Variants in ERC2 observed in about 807,000 individuals in gnomAD.
ERC2 encodes ERC protein 2.
In ERC2, 42 loss-of-function variants were observed where a neutral mutation model predicts 114.8. The observed-to-expected ratio is 0.37, with a 90% CI of 0.29 to 0.47. The LOEUF (loss-of-function observed/expected upper bound fraction) is 0.47. Ranked by LOEUF, ERC2 falls within the 20% of genes least tolerant of loss-of-function variation. The pLI, the probability that ERC2 is intolerant of heterozygous loss-of-function variation, is 0.99. For synonymous variants in ERC2, 454 were observed against 425.5 expected (o/e 1.07, Z -0.82); for missense variants, 939 against 1,150.7 (o/e 0.82, Z 2.66).
chr3:55,855,468 C>G (rs2061748764), intron 14 of ERC2, among the ~76,000 whole-genome samples: 1 of 152,226 alleles, frequency 6.6e-6, no homozygotes, highest in Non-Finnish European at 1.5e-5. Context: ...ACCCCAAATC[C>G]AGGCCTTTGG....
intron 6 of ERC2, among the ~76,000 whole-genome samples, chr3:56,110,962 T>C (rs985107522): frequency 7.9e-5 from 12 of 152,130 alleles, no homozygotes; most frequent in African/African-American, 2.9e-4. Flanking sequence ...CTAGTTCTTT[T>C]GATTGTTGGC....
chr3:56,115,464 A>G (rs13091322), intron 6 of ERC2, among the ~76,000 whole-genome samples: 35,695 of 152,012 alleles, frequency 0.23, 4,833 homozygotes, highest in Admixed American at 0.31. Context: ...ACTCAGGTGT[A>G]GTTGAAAAGG....
At chr3:55,727,099 C>T (rs1317139907) in intron 15 of ERC2, among the ~76,000 whole-genome samples, 1 of 152,122 alleles carries the variant, frequency 6.6e-6, no homozygotes, top group African/African-American at 2.4e-5. Flanking sequence ...TCAAAAACCC[C>T]TTAGTAGCAG....
At chr3:56,239,497 C>G (rs987113307) in intron 3 of ERC2, among the ~76,000 whole-genome samples, 1 of 152,164 alleles carries the variant, frequency 6.6e-6, no homozygotes, top group South Asian at 2.1e-4. Flanking sequence ...CAGAGTGAGT[C>G]TCTGTCTGAA....
intron 2 of ERC2, among the ~76,000 whole-genome samples, chr3:56,431,657 T>C (rs2061794214): frequency 6.6e-6 from 1 of 152,186 alleles, no homozygotes; most frequent in South Asian, 2.1e-4. Flanking sequence ...CTAATATACT[T>C]CCAAAAAGAG....
intron 2 of ERC2, among the ~76,000 whole-genome samples, chr3:56,326,407 A>G (rs1164070767): frequency 2.6e-5 from 4 of 152,184 alleles, no homozygotes; most frequent in African/African-American, 7.2e-5. Flanking sequence ...TTCTCAAGAT[A>G]GTTTGAACAG....
Position 55,885,782 on chromosome 3 carries a change from G to C in ERC2, c.2564+2607C>G, listed in dbSNP as rs528148359. 3.0e-3 allele frequency among the ~76,000 whole-genome samples: 462 copies of C among 152,218 alleles called. 3 individuals are homozygous for C. Among genetic ancestry groups the C allele is most frequent in the African/African-American group, 0.011 (439 of 41,540 alleles). On this transcript the variant is annotated intron_variant, in intron 14 of 17. Coordinates refer to ENST00000288221, the MANE Select transcript of ERC2 (RefSeq NM_015576.3). ...CATTTGCATACATATATCATTTTCT[G>C]TGTGCCAAACTCTCTGCTGAGAACC...
intron 7 of ERC2, among the ~76,000 whole-genome samples, chr3:56,023,454 CCTAT>C (rs942646634): frequency 6.6e-6 from 1 of 152,080 alleles, no homozygotes; most frequent in Non-Finnish European, 1.5e-5. Context: ...CCTATCTTTG[CCTAT>C]CTATTTCCTT....
intron 16 of ERC2, among the ~76,000 whole-genome samples, chr3:55,685,887 C>T (rs1248447698): frequency 6.6e-6 from 1 of 152,098 alleles, no homozygotes; most frequent in Non-Finnish European, 1.5e-5. Flanking sequence ...TAAAACCCAA[C>T]ATATATACAT....
At chr3:55,872,743 T>A (rs2149286149) in intron 14 of ERC2, among the ~76,000 whole-genome samples, 1 of 152,308 alleles carries the variant, frequency 6.6e-6, no homozygotes, top group African/African-American at 2.4e-5. Flanking sequence ...GCTTTCTGAA[T>A]CTACCTGGTC....
intron 14 of ERC2, among the ~76,000 whole-genome samples, chr3:55,735,682 C>T (rs914951177): frequency 1.3e-5 from 2 of 152,074 alleles, no homozygotes; most frequent in African/African-American, 4.8e-5. Flanking sequence ...TTGGGGGATA[C>T]ATTCAAACTA....
intron 3 of ERC2, among the ~76,000 whole-genome samples, chr3:56,235,818 C>T (rs769275984): frequency 5.3e-5 from 8 of 152,316 alleles, no homozygotes; most frequent in Non-Finnish European, 8.8e-5. Context: ...ATGTGGCTAG[C>T]GGCTACCATA....
intron 17 of ERC2, chr3:55,610,709 A>C (rs2148564521): frequency 6.6e-6 from 1 of 152,376 alleles, no homozygotes; most frequent in Non-Finnish European, 1.5e-5. Context: ...CTTGACTCCA[A>C]AATAGCAATA....
Position 56,186,114 on chromosome 3 carries a change from TAAAAAAAAAA to T in ERC2, c.1075-12604_1075-12595del, listed in dbSNP as rs201544979. 4.9e-4 allele frequency among the ~76,000 whole-genome samples: 50 copies of T among 102,542 alleles called. 1 individual carries two copies. Among genetic ancestry groups the T allele is most frequent in the South Asian group, 3.4e-3 (12 of 3,548 alleles). 67.3% of individuals were successfully genotyped at this position (102,542 alleles called of 152,430 possible). A position where few individuals can be genotyped will look rare whatever the true frequency, so the allele number is the denominator to read the frequency against. On this transcript the variant is annotated intron_variant, in intron 3 of 17. Transcript: ENST00000288221. Reference sequence around the variant, plus strand: ...GAAAGCATATACATCTCAAGAACCTTAAAAAAAAAAAAAAAAAAAAAAAAAAAAAAGAGCA... The same window carrying T: ...GAAAGCATATACATCTCAAGAACCTTAAAAAAAAAAAAAAAAAAAAGAGCA...
intron 3 of ERC2, among the ~76,000 whole-genome samples, chr3:56,191,107 G>T (rs1298921951): frequency 6.6e-6 from 1 of 152,164 alleles, no homozygotes; most frequent in African/African-American, 2.4e-5. Flanking sequence ...CTGAGCAGAA[G>T]GGCACAGGTG....
intron 13 of ERC2, among the ~76,000 whole-genome samples, chr3:55,902,335 G>A (rs752480646): frequency 3.9e-5 from 6 of 152,124 alleles, no homozygotes; most frequent in South Asian, 4.2e-4. Context: ...TCCCAAATGC[G>A]TCCCTAGGGC....
rs978403675 is a variant in ERC2, at chr3:56,310,127, A to G, written c.658-13692T>C. ...AGGTCAGTGTTCTTTCCCTGTTGTTAGCCAGTAATCCACAACCAACTAAAG... is the reference window on the plus strand; with the variant it reads ...AGGTCAGTGTTCTTTCCCTGTTGTTGGCCAGTAATCCACAACCAACTAAAG... On this transcript the variant is annotated intron_variant, in intron 2 of 17. Coordinates refer to ENST00000288221, the MANE Select transcript of ERC2 (RefSeq NM_015576.3). 2.6e-5 allele frequency among the ~76,000 whole-genome samples: 4 copies of G among 152,320 alleles called. No individual in the cohort carries two copies. The East Asian group carries it at 7.7e-4, about 29-fold the overall frequency.
intron 8 of ERC2, among the ~76,000 whole-genome samples, chr3:56,013,104 G>T (rs1490168746): frequency 6.6e-6 from 1 of 152,160 alleles, no homozygotes; most frequent in Non-Finnish European, 1.5e-5. Flanking sequence ...GCTTCTGTGT[G>T]TCAATCCTAG....
At chr3:56,438,520 C>A (rs888283287) in intron 1 of ERC2, among the ~76,000 whole-genome samples, 38 of 152,094 alleles carry the variant, frequency 2.5e-4, no homozygotes, top group Admixed American at 2.4e-3. Context: ...CTGGACTGAA[C>A]CTCTGGTGTT....
Sources: gnomAD v4.1 joint callset for allele counts (sites outside exome capture counted in the v4.1 genomes callset) on GRCh38, gnomAD v4.1.1 for gene constraint, MANE v1.5 for transcripts, NCBI Gene and HGNC (gene_info 2026-07-23, HGNC 2026-07-21) for gene names.